CCSER1: variants seen among roughly 807,000 people sequenced by gnomAD.
CCSER1 encodes the protein serine-rich coiled-coil domain-containing protein 1.
Under a neutral mutation model 82.0 loss-of-function variants are expected in CCSER1, and 41 were observed. The observed-to-expected ratio is 0.50, with a 90% CI of 0.39 to 0.65. CCSER1 has a LOEUF of 0.65. CCSER1 is among the 30% of genes least tolerant of loss of function. The pLI is 0.00. For missense variants in CCSER1, 1,119 were observed against 1,064.2 expected (o/e 1.05, Z -0.72); for synonymous variants, 414 against 383.9 (o/e 1.08, Z -0.92).
intron 10 of CCSER1, among the ~76,000 whole-genome samples, chr4:91,200,860 A>G (rs1735848785): frequency 6.6e-6 from 1 of 152,052 alleles, no homozygotes; most frequent in South Asian, 2.1e-4. Context: ...GATTGTGTTT[A>G]ATTGTGTAAT....
intron 8 of CCSER1, chr4:90,838,803 C>T: frequency 2.0e-6 from 3 of 1,480,672 alleles, no homozygotes; most frequent in Non-Finnish European, 9.4e-7. Context: ...TAAACTTGAT[C>T]CAACCTCTTT....
rs1020105076 is a variant in CCSER1, at chr4:91,602,761, A to G, written c.*3704A>G. 2.0e-5 allele frequency among the ~76,000 whole-genome samples: 3 copies of G among 152,044 alleles called. No homozygotes were observed. Among genetic ancestry groups the G allele is most frequent in the African/African-American group, 7.2e-5 (3 of 41,446 alleles). On this transcript the variant is annotated 3_prime_UTR_variant, in exon 11 of 11. Transcript: ENST00000509176. ...AGAAAGGGCAATACATGTGAAGATG[A>G]TATCTATGATTGCCATTCATGTTAC...
chr4:91,232,629 A>G (rs1388885341), intron 10 of CCSER1, among the ~76,000 whole-genome samples: 1 of 151,810 alleles, frequency 6.6e-6, no homozygotes, highest in African/African-American at 2.4e-5. Flanking sequence ...ATAACTGTTG[A>G]ATTTTATATC....
At chr4:90,487,412 C>A (rs903440385) in intron 5 of CCSER1, among the ~76,000 whole-genome samples, 1 of 152,192 alleles carries the variant, frequency 6.6e-6, no homozygotes, top group African/African-American at 2.4e-5. Context: ...ACTTCCCTGA[C>A]AATTTTAATG....
At chr4:90,167,649 G>A (rs1478087046) in intron 1 of CCSER1, among the ~76,000 whole-genome samples, 14 of 130,950 alleles carry the variant, frequency 1.1e-4, no homozygotes, top group African/African-American at 2.0e-4. Context: ...AACAGGCCCC[G>A]GTGTGTGATG....
chr4:90,590,932 G>A (rs765768903), intron 5 of CCSER1, among the ~76,000 whole-genome samples: 3 of 152,104 alleles, frequency 2.0e-5, no homozygotes, highest in African/African-American at 4.8e-5. Context: ...ATCCATCAGC[G>A]TGGAACTATT....
chr4:90,167,154 C>G (rs1730616165), intron 1 of CCSER1, among the ~76,000 whole-genome samples: 1 of 151,910 alleles, frequency 6.6e-6, no homozygotes, highest in African/African-American at 2.4e-5. Flanking sequence ...CTTAAAAACT[C>G]AAACTCAAGA....
chr4:90,799,163 C>G (rs1756442804), intron 7 of CCSER1, among the ~76,000 whole-genome samples: 1 of 152,030 alleles, frequency 6.6e-6, no homozygotes, highest in Non-Finnish European at 1.5e-5. Flanking sequence ...GGGTGGGGTG[C>G]TGGTAGGCAC....
chr4:91,481,124 C>T (rs1757887947), intron 10 of CCSER1, among the ~76,000 whole-genome samples: 2 of 141,908 alleles, frequency 1.4e-5, no homozygotes, highest in Non-Finnish European at 3.0e-5. Context: ...CTCTCCTTTC[C>T]TTTATGTCAA....
In CCSER1 at chr4:91,166,152, A is replaced by G. The variant is rs148832407; in HGVS notation, c.2217+80158A>G. Among the ~76,000 whole-genome samples, 394 of 152,354 alleles carry G rather than the reference A, an allele frequency of 2.6e-3. 5 individuals are homozygous for G. Among genetic ancestry groups the G allele is most frequent in the Admixed American group, 0.017 (257 of 15,302 alleles). On this transcript the variant is annotated intron_variant, in intron 10 of 10. Coordinates refer to ENST00000509176, the MANE Select transcript of CCSER1 (RefSeq NM_001145065.2). ...CAGATACAGAAGTGAGGCAATCTTTAATAATTAAATGTAATAATGAAATTT... is the reference window on the plus strand; with the variant it reads ...CAGATACAGAAGTGAGGCAATCTTTGATAATTAAATGTAATAATGAAATTT...
chr4:90,367,604 G>T (rs1428911381), intron 3 of CCSER1, among the ~76,000 whole-genome samples: 1 of 151,694 alleles, frequency 6.6e-6, no homozygotes, highest in Non-Finnish European at 1.5e-5. Flanking sequence ...ATGCACAAAA[G>T]AAAGCAGAAT....
At chr4:91,545,361 G>A (rs1390154788) in intron 10 of CCSER1, among the ~76,000 whole-genome samples, 1 of 152,088 alleles carries the variant, frequency 6.6e-6, no homozygotes, top group Admixed American at 6.5e-5. Context: ...GATGAAACAG[G>A]TACCTCAGTT....
chr4:90,198,597 A>G (rs901585824), intron 1 of CCSER1, among the ~76,000 whole-genome samples: 13 of 152,274 alleles, frequency 8.5e-5, no homozygotes, highest in Non-Finnish European at 1.9e-4. Context: ...GGTGAATTTC[A>G]ACTCTGGAAG....
At chr4:91,413,169 A>G (rs995366819) in intron 10 of CCSER1, among the ~76,000 whole-genome samples, 3 of 152,176 alleles carry the variant, frequency 2.0e-5, no homozygotes, top group Admixed American at 2.0e-4. Flanking sequence ...TTGGCCAGGC[A>G]TGGTAGCTCA....
At chr4:91,039,730 ATTT>A (rs1554059955) in intron 9 of CCSER1, among the ~76,000 whole-genome samples, 1 of 151,796 alleles carries the variant, frequency 6.6e-6, no homozygotes, top group Non-Finnish European at 1.5e-5. Flanking sequence ...TCTGTAAAAA[ATTT>A]TTTAATGTAG....
intron 1 of CCSER1, among the ~76,000 whole-genome samples, chr4:90,260,257 T>C (rs557908976): frequency 6.6e-6 from 1 of 152,346 alleles, no homozygotes; most frequent in African/African-American, 2.4e-5. Context: ...CATGTAAAGG[T>C]GTTCATAGTA....
chr4:91,132,492 T>C (rs186603167), intron 10 of CCSER1, among the ~76,000 whole-genome samples: 4 of 152,308 alleles, frequency 2.6e-5, no homozygotes, highest in African/African-American at 9.6e-5. Context: ...GCCCTGCAAT[T>C]AAAATGAGAT....
At chr4:90,364,999 C>T (rs1746017930) in intron 3 of CCSER1, among the ~76,000 whole-genome samples, 1 of 151,624 alleles carries the variant, frequency 6.6e-6, no homozygotes, top group Non-Finnish European at 1.5e-5. Flanking sequence ...CAGTATGGAA[C>T]TTTGAAGGCC....
At chr4:91,137,635 C>A (rs1221623954) in intron 10 of CCSER1, among the ~76,000 whole-genome samples, 45 of 146,286 alleles carry the variant, frequency 3.1e-4, no homozygotes, top group Admixed American at 8.3e-4. Flanking sequence ...CCAACAGTGT[C>A]AAAGTGTTCC....
Sources: gnomAD v4.1 joint callset for allele counts (sites outside exome capture counted in the v4.1 genomes callset) on GRCh38, gnomAD v4.1.1 for gene constraint, MANE v1.5 for transcripts, NCBI Gene and HGNC (gene_info 2026-07-23, HGNC 2026-07-21) for gene names.